The following SMC2 variants were observed in gnomAD, a reference collection of about 807,000 sequenced individuals.
The protein encoded by SMC2 is structural maintenance of chromosomes protein 2.
A neutral mutation model predicts 142.6 loss-of-function variants in SMC2; 41 were observed. The observed-to-expected ratio is 0.29, with a 90% CI of 0.22 to 0.37. SMC2 has a LOEUF of 0.37. Ranked by LOEUF, SMC2 falls within the 10% of genes least tolerant of loss-of-function variation. SMC2 has a pLI of 1.00. For synonymous variants in SMC2, 463 were observed against 457.5 expected (o/e 1.01, Z -0.15); for missense variants, 1,265 against 1,373.7 (o/e 0.92, Z 1.25).
chr9:104,097,875 T>G (rs1014127807), intron 3 of SMC2, among the ~76,000 whole-genome samples: 3 of 152,238 alleles, frequency 2.0e-5, no homozygotes, highest in African/African-American at 7.2e-5. Context: ...TTTAAGGACT[T>G]CAATCTGGTA....
intron 15 of SMC2, 130 bp from the exon 16 acceptor site, chr9:104,119,897 A>G (rs111273486): frequency 1.1e-6 from 1 of 882,962 alleles, no homozygotes; most frequent in Middle Eastern, 2.4e-4. Flanking sequence ...AATGAATTCC[A>G]TGGCTTCATA....
intron 3 of SMC2, 33 bp from the exon 4 acceptor site, chr9:104,098,413 C>T (rs767948559): frequency 2.6e-5 from 40 of 1,536,960 alleles, no homozygotes; most frequent in Non-Finnish European, 3.5e-5. Flanking sequence ...TGTGCATGTA[C>T]ATTAATATTT....
At position 104,124,973 on chromosome 9, in the gene SMC2, T is replaced by C. The variant is rs747887330; in HGVS notation, c.2319T>C (p.Tyr773=). Residue 773 remains tyrosine (Y), a synonymous_variant, in exon 18 of 25, where the codon TAT becomes TAC. Transcript: ENST00000374793. ...KEIQRKAEEK[Y]EVLENKMKNA... ...TCCAAAGAAAAGCAGAAGAAAAATA[T>C]GAAGTATTGGAAAATAAAATGAAAA... 3 of 1,599,450 alleles carry C rather than the reference T, an allele frequency of 1.9e-6. No individual in the cohort carries two copies. The East Asian group carries it at 6.7e-5, about 36-fold the overall frequency.
chr9:104,095,292 C>A, intron 1 of SMC2, 32 bp from the exon 2 acceptor site: 1 of 981,988 alleles, frequency 1.0e-6, no homozygotes, highest in Non-Finnish European at 1.5e-6. Flanking sequence ...GTTTACATTC[C>A]ACTTAGGTGG....
chr9:104,118,410 T>G, intron 15 of SMC2, 35 bp downstream of exon 15: 1 of 1,558,996 alleles, frequency 6.4e-7, no homozygotes, highest in Non-Finnish European at 8.8e-7. Flanking sequence ...CACAATTCTT[T>G]GTGGTAAATA....
chr9:104,134,022 T>TA (rs1835262578), intron 22 of SMC2, among the ~76,000 whole-genome samples: 1 of 152,150 alleles, frequency 6.6e-6, no homozygotes, highest in African/African-American at 2.4e-5. Flanking sequence ...CCTCATGTGA[T>TA]ACAATTGTGT....
At chr9:104,088,382 T>C in the SMC2 span, among the ~76,000 whole-genome samples, 1 of 152,128 alleles carries the variant, frequency 6.6e-6, no homozygotes, top group Non-Finnish European at 1.5e-5. Context: ...CACCAATATG[T>C]ATCACAAAGG....
chr9:104,129,315 CAA>C (rs1834671079), intron 20 of SMC2, among the ~76,000 whole-genome samples: 1 of 151,936 alleles, frequency 6.6e-6, no homozygotes, highest in Admixed American at 6.6e-5. Context: ...TCAGCCTGAC[CAA>C]CATGGAGAAA....
chr9:104,097,119 G>GTTT lies in SMC2; in HGVS notation c.318+843_318+845dup, dbSNP rs71501412. 8.1e-3 allele frequency among the ~76,000 whole-genome samples: 846 copies of GTTT among 104,084 alleles called. 11 individuals are homozygous for GTTT. The highest frequency in any genetic ancestry group is 0.011 in the Non-Finnish European group (550 of 50,530). The allele number at this position is 104,084 out of a possible 152,430, so 68.3% of individuals were successfully genotyped here. On this transcript the variant is annotated intron_variant, in intron 3 of 24. Coordinates refer to ENST00000374793, the MANE Select transcript of SMC2 (RefSeq NM_006444.3). ...CAGGCAGTGTTTTCAGCTTGTCAAG[G>GTTT]TTTTTTTTTTTTTTTTTTTTTTTCC...
rs577296682 is a variant in SMC2, at chr9:104,129,042, T to A, written c.2791-603T>A. 1.3e-4 allele frequency among the ~76,000 whole-genome samples: 20 copies of A among 152,284 alleles called. No homozygotes were observed. The South Asian group carries it at 3.9e-3, about 30-fold the overall frequency. Reference sequence around the variant, plus strand: ...GAGTTCTACCTGACTTACATTTCATTCTAATGGAGGTGCTTTGCGTATACT... The same window carrying A: ...GAGTTCTACCTGACTTACATTTCATACTAATGGAGGTGCTTTGCGTATACT... On this transcript the variant is annotated intron_variant, in intron 20 of 24. Transcript: ENST00000374793.
chr9:104,113,316 G>A lies in SMC2; in HGVS notation c.1255G>A (p.Ala419Thr), dbSNP rs1253720492. Residue 419 changes from alanine to threonine, a missense_variant and splice_region_variant, in exon 11 of 25, where the codon GCT (alanine) becomes ACT (threonine). Transcript: ENST00000374793. Reference sequence around the variant, plus strand: ...GGTCTGTTGCATTTTTCTGCCACAGGCTCAGATGAAGTTGAAGCATGCTCA... The same window carrying A: ...GGTCTGTTGCATTTTTCTGCCACAGACTCAGATGAAGTTGAAGCATGCTCA... ...ISKAQTEAKQ[A>T]QMKLKHAQQE... 6.3e-7 allele frequency: 1 copy of A among 1,599,498 alleles called. No individual in the cohort carries two copies. Among genetic ancestry groups the A allele is most frequent in the South Asian group, 1.1e-5 (1 of 88,026 alleles).
At chr9:104,096,396 A>G (rs1830448587) in intron 3 of SMC2, 99 bp downstream of exon 3, 17 of 1,144,960 alleles carry the variant, frequency 1.5e-5, no homozygotes, top group Non-Finnish European at 2.0e-5. Context: ...AAAGTTCATG[A>G]GCAAAATTGG....
At chr9:104,123,731 A>T (rs1833977033) in intron 17 of SMC2, among the ~76,000 whole-genome samples, 1 of 152,110 alleles carries the variant, frequency 6.6e-6, no homozygotes, top group South Asian at 2.1e-4. Flanking sequence ...TGCATTGCAA[A>T]TATCCTTTTA....
the SMC2 span, among the ~76,000 whole-genome samples, chr9:104,088,407 A>T: frequency 6.6e-6 from 1 of 152,092 alleles, no homozygotes; most frequent in East Asian, 1.9e-4. Context: ...TCACAATGAG[A>T]ATGGAGGTCA....
intron 7 of SMC2, 56 bp downstream of exon 7, chr9:104,100,489 G>T: frequency 8.7e-7 from 1 of 1,152,664 alleles, no homozygotes; most frequent in Non-Finnish European, 1.3e-6. Context: ...AGTCAGCAAT[G>T]TATCCAAAAT....
upstream of SMC2, among the ~76,000 whole-genome samples, chr9:104,089,429 T>C (rs536485321): frequency 6.6e-6 from 1 of 152,166 alleles, no homozygotes; most frequent in Non-Finnish European, 1.5e-5. Flanking sequence ...AGAGTAACAA[T>C]GGACCACCAT....
chr9:104,119,991 C>T, intron 15 of SMC2, 36 bp from the exon 16 acceptor site: 1 of 1,608,734 alleles, frequency 6.2e-7, no homozygotes, highest in Non-Finnish European at 8.5e-7. Context: ...TACCTGGTAA[C>T]AATGTGGAAG....
At chr9:104,101,855 A>G in intron 7 of SMC2, 105 bp from the exon 8 acceptor site, 1 of 678,984 alleles carries the variant, frequency 1.5e-6, no homozygotes, top group South Asian at 2.0e-5. Context: ...TGTTTAATAC[A>G]GGACAAAATC....
rs10991108 is a variant in SMC2 at position 104,100,359 on chromosome 9, C to T, written c.592-30C>T. The T allele has an allele frequency of 1.2e-5, 18 of 1,511,570 alleles. No individual in the cohort carries two copies. The highest frequency in any genetic ancestry group is 7.0e-5 in the Admixed American group (4 of 57,396). 93.6% of individuals were successfully genotyped at this position (1,511,570 alleles called of 1,614,324 possible). On this transcript the variant is annotated intron_variant, in intron 6 of 24. Transcript: ENST00000374793. Reference sequence around the variant, plus strand: ...ATAAATTTTAATGATACTTTACATGCGAAAATACTGATTTTTCTTTATTTT... The same window carrying T: ...ATAAATTTTAATGATACTTTACATGTGAAAATACTGATTTTTCTTTATTTT...
Sources: allele counts gnomAD v4.1 joint callset (sites outside exome capture counted in the v4.1 genomes callset), GRCh38; gene constraint gnomAD v4.1.1; transcripts MANE v1.5; gene names NCBI Gene and HGNC (gene_info 2026-07-23, HGNC 2026-07-21).